The following TGFBR3 variants were observed in gnomAD, a reference collection of about 807,000 sequenced individuals.
The protein encoded by TGFBR3 is transforming growth factor beta receptor type 3.
In TGFBR3, 46 loss-of-function variants were observed where a neutral mutation model predicts 87.9. The observed-to-expected ratio is 0.52, with a 90% confidence interval of 0.41 to 0.67. The LOEUF (loss-of-function observed/expected upper bound fraction) is 0.67, where lower values mean the gene tolerates loss of function less well. Ranked by LOEUF, TGFBR3 falls within the 30% of genes least tolerant of loss-of-function variation. TGFBR3 has a pLI of 0.00. For missense variants in TGFBR3, 866 were observed against 1,041.9 expected (o/e 0.83, Z 2.32); for synonymous variants, 381 against 391.6 (o/e 0.97, Z 0.32).
At chr1:91,724,093 A>G (rs1035182642) in intron 7 of TGFBR3, among the ~76,000 whole-genome samples, 9 of 152,200 alleles carry the variant, frequency 5.9e-5, no homozygotes, top group African/African-American at 1.4e-4. Context: ...CACAAATTCT[A>G]TATGCAAAGG....
At chr1:91,890,895 C>T (rs142802596), upstream of TGFBR3, among the ~76,000 whole-genome samples, 81 of 137,862 alleles carry the variant, frequency 5.9e-4, no homozygotes, top group Non-Finnish European at 5.8e-4. Flanking sequence ...AAGAGAGTCT[C>T]ATATTTCCTT....
chr1:91,736,744 T>G (rs1245245660), intron 4 of TGFBR3, among the ~76,000 whole-genome samples: 1 of 152,198 alleles, frequency 6.6e-6, no homozygotes, highest in Non-Finnish European at 1.5e-5. Flanking sequence ...AAAGGCATTT[T>G]TATCAAGGCT....
At position 91,734,880 on chromosome 1, in the gene TGFBR3, T is replaced by C. The variant is rs41286789; in HGVS notation, c.464A>G (p.His155Arg). 4.8e-3 allele frequency: 7,675 copies of C among 1,614,198 alleles called. 16 individuals carry two copies. The highest frequency in any genetic ancestry group is 5.9e-3 in the Non-Finnish European group (6,918 of 1,179,998). Residue 155 changes from histidine to arginine, a missense_variant, in exon 5 of 17, where the codon CAT (histidine) becomes CGT (arginine). Coordinates refer to ENST00000212355, the MANE Select transcript of TGFBR3 (RefSeq NM_003243.5). Reference sequence around the variant, plus strand: ...CCAATTTAACAGATGTTCATTTCCATGGGGGAAGTTCCTTTCTTCTGTTTC... The same window carrying C: ...CCAATTTAACAGATGTTCATTTCCACGGGGGAAGTTCCTTTCTTCTGTTTC... ...TAETEERNFP[H>R]GNEHLLNWAR...
Position 91,727,681 on chromosome 1 carries a change from A to T in TGFBR3, c.863T>A (p.Val288Asp), listed in dbSNP as rs760461110. The T allele has an allele frequency of 1.2e-6, 2 of 1,614,144 alleles. No homozygotes were observed. Among genetic ancestry groups the T allele is most frequent in the Admixed American group, 3.3e-5 (2 of 60,024 alleles). ...TACAATAATTTTCAGGCTTCCCTTA[A>T]CATCAAAAGATTTGATCACCCAGTT... is the stretch of plus-strand genomic sequence containing the variant. ...SVNWVIKSFD[V>D]KGSLKIIAPN... The change falls in exon 7 of 17, where the codon GTT becomes GAT. Residue 288 changes from valine to aspartate, a missense_variant. By Grantham distance (152) the Val-to-Asp change is radical. Coordinates refer to ENST00000212355, the MANE Select transcript of TGFBR3 (RefSeq NM_003243.5).
intron 2 of TGFBR3, among the ~76,000 whole-genome samples, chr1:91,858,610 C>CAAAAAAAAAAAAAAAAAAAAAA (rs58608714): frequency 1.3e-5 from 1 of 78,322 alleles, no homozygotes; most frequent in Non-Finnish European, 2.3e-5. Flanking sequence ...GACTCTGTCT[C>CAAAAAAAAAAAAAAAAAAAAAA]AAAAAAAAAA....
intron 3 of TGFBR3, among the ~76,000 whole-genome samples, chr1:91,782,813 G>A (rs1213600652): frequency 6.6e-6 from 1 of 152,126 alleles, no homozygotes; most frequent in Admixed American, 6.5e-5. Flanking sequence ...AAGGCACCTC[G>A]GTATGTGCTC....
chr1:91,904,244 GTGGT>G (rs1463837370), intron 1 of TGFBR3, among the ~76,000 whole-genome samples: 1 of 150,530 alleles, frequency 6.6e-6, no homozygotes, highest in African/African-American at 2.4e-5. Flanking sequence ...AGAGAGCACA[GTGGT>G]TAAAAGCATG....
At chr1:91,837,083 T>G (rs2101103762) in intron 2 of TGFBR3, among the ~76,000 whole-genome samples, 2 of 152,324 alleles carry the variant, frequency 1.3e-5, no homozygotes. Context: ...AAAATGTTAG[T>G]TCCAAAGTTG....
At chr1:91,695,805 A>G (rs1276535663) in intron 15 of TGFBR3, 26 bp from the exon 16 acceptor site, 1 of 1,599,832 alleles carries the variant, frequency 6.3e-7, no homozygotes, top group South Asian at 1.1e-5. Flanking sequence ...ACCGATACAC[A>G]CAACTTTTTG....
intron 2 of TGFBR3, among the ~76,000 whole-genome samples, chr1:91,826,157 A>G (rs1375923857): frequency 1.3e-5 from 2 of 152,144 alleles, no homozygotes; most frequent in Non-Finnish European, 2.9e-5. Flanking sequence ...CTATACTCCC[A>G]GAGTCGAGAG....
chr1:91,683,710 T>C lies in TGFBR3; in HGVS notation c.*29A>G, dbSNP rs1298050370. On this transcript the variant is annotated 3_prime_UTR_variant, in exon 17 of 17. Transcript: ENST00000212355. Reference sequence around the variant, plus strand: ...GTAGCTGAGCTGAGCTGGGCTGGGCTGGGTTGGGCCGGGTTGGGCTGGGTT... The same window carrying C: ...GTAGCTGAGCTGAGCTGGGCTGGGCCGGGTTGGGCCGGGTTGGGCTGGGTT... The C allele has an allele frequency of 2.1e-6, 3 of 1,450,796 alleles. No homozygotes were observed. The highest frequency in any genetic ancestry group is 2.9e-5 in the African/African-American group (2 of 69,852). 89.9% of individuals were successfully genotyped at this position (1,450,796 alleles called of 1,614,324 possible).
At chr1:91,881,454 C>T (rs895825344) in intron 1 of TGFBR3, among the ~76,000 whole-genome samples, 6 of 152,132 alleles carry the variant, frequency 3.9e-5, no homozygotes, top group African/African-American at 7.2e-5. Context: ...AACCTGAAGG[C>T]ATTTTGGCCC....
At chr1:91,721,872 T>C (rs1672378055) in intron 8 of TGFBR3, 83 bp downstream of exon 8, 1 of 1,309,272 alleles carries the variant, frequency 7.6e-7, no homozygotes, top group Non-Finnish European at 1.1e-6. Context: ...AACAGCAACA[T>C]ATAAGCTGAA....
chr1:91,901,368 T>A (rs1417600449), intron 1 of TGFBR3, among the ~76,000 whole-genome samples: 1 of 152,148 alleles, frequency 6.6e-6, no homozygotes, highest in East Asian at 1.9e-4. Context: ...AGAAGTAATA[T>A]CTGAAAATAT....
At chr1:91,871,305 A>G (rs1678575025) in intron 1 of TGFBR3, among the ~76,000 whole-genome samples, 1 of 152,150 alleles carries the variant, frequency 6.6e-6, no homozygotes, top group Non-Finnish European at 1.5e-5. Context: ...GGGACAAATT[A>G]TTTTGTTCTG....
At chr1:91,752,488 A>C (rs1287932183) in intron 4 of TGFBR3, among the ~76,000 whole-genome samples, 9 of 152,222 alleles carry the variant, frequency 5.9e-5, no homozygotes, top group Admixed American at 5.9e-4. Flanking sequence ...AGGTTGGAAG[A>C]AGCTGCTTAT....
chr1:91,865,498 A>C (rs1390834573), intron 1 of TGFBR3, among the ~76,000 whole-genome samples: 1 of 152,188 alleles, frequency 6.6e-6, no homozygotes, highest in Non-Finnish European at 1.5e-5. Context: ...GAGATCATGA[A>C]AGAGCAATTT....
chr1:91,904,685 C>T (rs1164825509), intron 1 of TGFBR3, among the ~76,000 whole-genome samples: 1 of 151,986 alleles, frequency 6.6e-6, no homozygotes, highest in East Asian at 1.9e-4. Context: ...CTGCCTCAGC[C>T]TCCTGAGTAG....
chr1:91,859,908 C>CAA (rs544117317), intron 2 of TGFBR3, among the ~76,000 whole-genome samples: 7 of 85,562 alleles, frequency 8.2e-5, no homozygotes, highest in South Asian at 8.1e-4. Context: ...GACTCCATCT[C>CAA]AAAAAAAAAA....
Sources: gnomAD v4.1 joint callset for allele counts (sites outside exome capture counted in the v4.1 genomes callset) on GRCh38, gnomAD v4.1.1 for gene constraint, MANE v1.5 for transcripts, NCBI Gene and HGNC (gene_info 2026-07-23, HGNC 2026-07-21) for gene names.